The following DCAF13 variants were observed in gnomAD, a reference collection of about 807,000 sequenced individuals.
DCAF13 encodes DDB1- and CUL4-associated factor 13.
In DCAF13, 38 loss-of-function variants were observed where a neutral mutation model predicts 59.0. The ratio of observed to expected loss-of-function variants is 0.64; its 90% CI spans 0.50 to 0.84. The LOEUF is 0.84. Ranked by LOEUF, DCAF13 falls within the 40% of genes least tolerant of loss-of-function variation. The pLI is 0.00. For synonymous variants in DCAF13, 173 were observed against 175.0 expected (o/e 0.99, Z 0.09); for missense variants, 469 against 558.4 (o/e 0.84, Z 1.61).
intron 5 of DCAF13, chr8:103,429,848 T>A (rs1816838617): frequency 6.6e-6 from 1 of 152,224 alleles, no homozygotes; most frequent in Admixed American, 6.5e-5. Flanking sequence ...CTGGTACAGC[T>A]CTTTGGAAAA....
Position 103,416,400 on chromosome 8 carries a change from T to A in DCAF13, c.70+884T>A, listed in dbSNP as rs146918818. Among the ~76,000 whole-genome samples the A allele has an allele frequency of 3.5e-3, 532 of 152,322 alleles. 4 individuals carry two copies. Among genetic ancestry groups the A allele is most frequent in the Admixed American group, 7.6e-3 (117 of 15,298 alleles). ...CACTTGGATTTGGCATCGTTCCCAG[T>A]CCTTGAATCTCTGGTCCCACCTTCC... is the stretch of plus-strand genomic sequence containing the variant. On this transcript the variant is annotated intron_variant, in intron 1 of 10. Coordinates refer to ENST00000612750, the MANE Select transcript of DCAF13 (RefSeq NM_015420.7).
chr8:103,440,656 G>T (rs535090434), intron 9 of DCAF13: 1 of 154,320 alleles, frequency 6.5e-6, no homozygotes, highest in East Asian at 1.9e-4. Flanking sequence ...AAGGCTGCAA[G>T]TCCCTGGGAG....
intron 5 of DCAF13, chr8:103,429,510 G>C (rs1816834160): frequency 6.6e-6 from 1 of 152,184 alleles, no homozygotes; most frequent in Admixed American, 6.5e-5. Context: ...TGAGTGAGGA[G>C]GAATGATGCT....
chr8:103,438,649 C>G (rs890632394), intron 8 of DCAF13, among the ~76,000 whole-genome samples: 1 of 152,116 alleles, frequency 6.6e-6, no homozygotes, highest in Admixed American at 6.5e-5. Context: ...AAGTAATCCT[C>G]TCACCAAAGT....
intron 3 of DCAF13, 35 bp downstream of exon 3, chr8:103,421,117 C>G (rs371332126): frequency 7.6e-7 from 1 of 1,318,346 alleles, no homozygotes; most frequent in East Asian, 2.3e-5. Context: ...TAAATTTGAT[C>G]AACATAGGTA....
At chr8:103,435,847 A>T in intron 8 of DCAF13, 57 bp downstream of exon 8, 1 of 1,550,024 alleles carries the variant, frequency 6.5e-7, no homozygotes, top group Non-Finnish European at 8.9e-7. Flanking sequence ...ATGGGGATGC[A>T]TTCTGAGAAA....
At chr8:103,418,658 A>G (rs1816661649) in intron 1 of DCAF13, among the ~76,000 whole-genome samples, 1 of 151,502 alleles carries the variant, frequency 6.6e-6, no homozygotes, top group Non-Finnish European at 1.5e-5. Flanking sequence ...GATGGAATAC[A>G]TAAGAATGAC....
At chr8:103,434,597 ATTAT>A (rs1816909250) in intron 7 of DCAF13, among the ~76,000 whole-genome samples, 1 of 151,858 alleles carries the variant, frequency 6.6e-6, no homozygotes, top group Non-Finnish European at 1.5e-5. Context: ...TCCTTTTGTA[ATTAT>A]TATATATCTT....
intron 8 of DCAF13, among the ~76,000 whole-genome samples, chr8:103,437,096 G>A (rs762764765): frequency 2.0e-5 from 3 of 152,166 alleles, no homozygotes; most frequent in African/African-American, 7.2e-5. Context: ...CATCATTTCT[G>A]TTGTAGAGCT....
At chr8:103,434,432 A>C (rs1816906803) in intron 7 of DCAF13, among the ~76,000 whole-genome samples, 1 of 152,124 alleles carries the variant, frequency 6.6e-6, no homozygotes, top group Non-Finnish European at 1.5e-5. Context: ...ACTAAAAAGC[A>C]GTTTGCTGGA....
chr8:103,427,441 T>C (rs1342333454), intron 5 of DCAF13, 189 bp downstream of exon 5: 2 of 601,302 alleles, frequency 3.3e-6, no homozygotes, highest in African/African-American at 3.7e-5. Context: ...AGCAGTTTAG[T>C]CCCAGATACT....
At chr8:103,434,895 C>A (rs1240671369) in intron 7 of DCAF13, among the ~76,000 whole-genome samples, 2 of 152,048 alleles carry the variant, frequency 1.3e-5, no homozygotes, top group African/African-American at 4.8e-5. Context: ...TCTTACATAT[C>A]ACCAGTAGGA....
chr8:103,422,574 CT>C (rs1290036947), intron 3 of DCAF13, among the ~76,000 whole-genome samples: 1 of 151,974 alleles, frequency 6.6e-6, no homozygotes, highest in Non-Finnish European at 1.5e-5. Flanking sequence ...AAAATGAAGA[CT>C]GAGGAAAACA....
chr8:103,437,372 A>G (rs545013136), intron 8 of DCAF13, among the ~76,000 whole-genome samples: 3 of 152,302 alleles, frequency 2.0e-5, no homozygotes, highest in East Asian at 3.9e-4. Context: ...GAGAACAAAG[A>G]AAAAAACAGG....
At chr8:103,419,206 A>G (rs539874239) in intron 1 of DCAF13, among the ~76,000 whole-genome samples, 3 of 152,044 alleles carry the variant, frequency 2.0e-5, no homozygotes, top group South Asian at 4.2e-4. Flanking sequence ...ATTAACCAAG[A>G]CAATGTGTTT....
chr8:103,440,238 G>A lies in DCAF13; in HGVS notation c.1053G>A (p.Leu351=), dbSNP rs768014694. The change falls in exon 9 of 11, where the codon CTG becomes CTA. Residue 351 remains leucine, a synonymous_variant. Coordinates refer to ENST00000612750, the MANE Select transcript of DCAF13 (RefSeq NM_015420.7). ...GATCTGATGAAATGAACATTCGCCTGTGGAAAGCTAATGCTTCTGAAAAAT... is the reference window on the plus strand; with the variant it reads ...GATCTGATGAAATGAACATTCGCCTATGGAAAGCTAATGCTTCTGAAAAAT... ...MCGSDEMNIR[L]WKANASEKLG... 2 of 1,595,206 alleles carry A rather than the reference G, an allele frequency of 1.3e-6. No individual in the cohort carries two copies. Among genetic ancestry groups the A allele is most frequent in the African/African-American group, 1.4e-5 (1 of 73,854 alleles).
At chr8:103,418,277 G>C (rs925101300) in intron 1 of DCAF13, among the ~76,000 whole-genome samples, 1 of 152,122 alleles carries the variant, frequency 6.6e-6, no homozygotes, top group African/African-American at 2.4e-5. Context: ...CCAACACTTT[G>C]GGCGGCAAAG....
intron 1 of DCAF13, among the ~76,000 whole-genome samples, chr8:103,419,915 A>G (rs1322188454): frequency 6.6e-6 from 1 of 151,646 alleles, no homozygotes; most frequent in Non-Finnish European, 1.5e-5. Flanking sequence ...TGGCTGAGGC[A>G]GGAGAATTGC....
chr8:103,437,567 A>T (rs1010280108), intron 8 of DCAF13, among the ~76,000 whole-genome samples: 5 of 152,124 alleles, frequency 3.3e-5, no homozygotes, highest in African/African-American at 1.2e-4. Flanking sequence ...GAGGTTTTGT[A>T]ATCACAGTCT....
Sources: allele counts gnomAD v4.1 joint callset (sites outside exome capture counted in the v4.1 genomes callset), GRCh38; gene constraint gnomAD v4.1.1; transcripts MANE v1.5; gene names NCBI Gene and HGNC (gene_info 2026-07-23, HGNC 2026-07-21).